DYRK1B: variants seen among roughly 807,000 people sequenced by gnomAD.
DYRK1B encodes the protein dual specificity tyrosine phosphorylation regulated kinase 1B, also known as dual specificity tyrosine-phosphorylation-regulated kinase 1B.
Under a neutral mutation model 57.1 loss-of-function variants are expected in DYRK1B, and 20 were observed. That is an observed-to-expected ratio of 0.35 (90% CI 0.25 to 0.51). The LOEUF is 0.51. DYRK1B is among the 20% of genes least tolerant of loss of function. The probability of loss-of-function intolerance (pLI) is 0.96; values close to 1 mark genes in which losing one functional copy is unlikely to be tolerated. For synonymous variants in DYRK1B, 409 were observed against 384.7 expected (o/e 1.06, Z -0.74); for missense variants, 732 against 886.3 (o/e 0.83, Z 2.21).
At chr19:39,829,784 C>T (rs1262662802) in intron 5 of DYRK1B, 96 bp downstream of exon 5, 4 of 1,406,404 alleles carry the variant, frequency 2.8e-6, no homozygotes, top group East Asian at 2.4e-5. Flanking sequence ...AGACATCAGC[C>T]TCCTCCTGAG....
rs902834396 is a variant in DYRK1B at position 39,833,335 on chromosome 19, G to C, written c.-102+688C>G. Reference sequence around the variant, plus strand: ...GTGGGGCCCCCAGTGGGGTGGGCGAGCGGCCAGCATGGCGGCGGTGGCGGC... The same window carrying C: ...GTGGGGCCCCCAGTGGGGTGGGCGACCGGCCAGCATGGCGGCGGTGGCGGC... On this transcript the variant is annotated intron_variant, in intron 1 of 10. Coordinates refer to ENST00000323039, the MANE Select transcript of DYRK1B (RefSeq NM_004714.3). 142 of 985,466 alleles carry C rather than the reference G, an allele frequency of 1.4e-4. No individual in the cohort carries two copies. The African/African-American group carries it at 2.3e-3, about 16-fold the overall frequency. The allele number at this position is 985,466 out of a possible 1,614,324, so 61.0% of individuals were successfully genotyped here. A position where few individuals can be genotyped will look rare whatever the true frequency, so the allele number is the denominator to read the frequency against.
At position 39,825,974 on chromosome 19, in the gene DYRK1B, G is replaced by T; in HGVS notation, c.1631C>A (p.Pro544His). 3 of 1,525,854 alleles carry T rather than the reference G, an allele frequency of 2.0e-6. No homozygotes were observed. Among genetic ancestry groups the T allele is most frequent in the Non-Finnish European group, 8.8e-7 (1 of 1,139,308 alleles). 94.5% of individuals were successfully genotyped at this position (1,525,854 alleles called of 1,614,324 possible). A position where few individuals can be genotyped will look rare whatever the true frequency, so the allele number is the denominator to read the frequency against. The change falls in exon 11 of 11, where the codon CCC becomes CAC. Residue 544 changes from proline to histidine, a missense_variant. Pro to His is a moderately conservative substitution (Grantham distance 77). This residue lies in a region of DYRK1B where 222 missense variants were observed against 205.0 expected (regional missense o/e 1.08). Transcript: ENST00000323039. Reference protein sequence around the residue: ...SLPGTGAQLPPQPRYLGRPPS... With the variant: ...SLPGTGAQLPHQPRYLGRPPS... ...GGGACGACCAAGGTATCGGGGCTGG[G>T]GGGGTAACTGGGCCCCGGTCCCAGG...
In DYRK1B at chr19:39,828,578, G is replaced by A. The variant is rs538827167; in HGVS notation, c.526C>T (p.Leu176=). Residue 176 remains leucine, a synonymous_variant, in exon 6 of 11, where the codon CTG becomes TTG. Coordinates refer to ENST00000323039, the MANE Select transcript of DYRK1B (RefSeq NM_004714.3). This position sits in a 1 kb window ranked among gnomAD's most constrained non-coding sequence, Gnocchi z 4.3. ...TTCCGGAACATGAAGTGCCGCTTCAGGTGTACTGCGGGGGAGGGGAGGAAA... is the reference window on the plus strand; with the variant it reads ...TTCCGGAACATGAAGTGCCGCTTCAAGTGTACTGCGGGGGAGGGGAGGAAA... ...DTEMKYYIVH[L]KRHFMFRNHL... 6.2e-7 allele frequency: 1 copy of A among 1,606,066 alleles called. No individual in the cohort carries two copies. Among genetic ancestry groups the A allele is most frequent in the Non-Finnish European group, 8.5e-7 (1 of 1,173,858 alleles).
At chr19:39,827,242 G>A (rs778739008) in intron 8 of DYRK1B, 43 bp downstream of exon 8, 1 of 1,570,386 alleles carries the variant, frequency 6.4e-7, no homozygotes, top group Non-Finnish European at 8.7e-7. Flanking sequence ...GTGTGAGTGA[G>A]GGGCCACGGG....
intron 1 of DYRK1B, chr19:39,832,927 G>GC (rs1300010695): frequency 3.0e-6 from 3 of 984,126 alleles, no homozygotes; most frequent in African/African-American, 3.5e-5. Context: ...CTGCTTCCTT[G>GC]CCCCCCTACA....
Position 39,825,680 on chromosome 19 carries a change from A to G in DYRK1B, c.*35T>C, listed in dbSNP as rs971011418. On this transcript the variant is annotated 3_prime_UTR_variant, in exon 11 of 11. Transcript: ENST00000323039. ...CCAGGGCCCCCAGATGGGGGAGGGTATGGCTTCAGGAGGGGCCCCAGGGAG... is the reference window on the plus strand; with the variant it reads ...CCAGGGCCCCCAGATGGGGGAGGGTGTGGCTTCAGGAGGGGCCCCAGGGAG... The G allele has an allele frequency of 8.5e-6, 13 of 1,527,522 alleles. No homozygotes were observed. Among genetic ancestry groups the G allele is most frequent in the African/African-American group, 1.4e-5 (1 of 72,028 alleles). The allele number at this position is 1,527,522 out of a possible 1,614,324, so 94.6% of individuals were successfully genotyped here.
chr19:39,829,253 A>C (rs1318754539), intron 5 of DYRK1B, among the ~76,000 whole-genome samples: 33 of 143,326 alleles, frequency 2.3e-4, no homozygotes, highest in Non-Finnish European at 4.7e-4. Context: ...TTTGAGATGG[A>C]GTCTCGCTCT....
chr19:39,827,083 G>T, intron 8 of DYRK1B, 96 bp from the exon 9 acceptor site: 1 of 1,190,266 alleles, frequency 8.4e-7, no homozygotes, highest in Non-Finnish European at 1.1e-6. Flanking sequence ...GCACAAGAGA[G>T]AAAGTGGAAA....
At position 39,831,805 on chromosome 19, in the gene DYRK1B, C is replaced by T. The variant is rs1444475997; in HGVS notation, c.63G>A (p.Gln21=). The T allele has an allele frequency of 2.2e-5, 34 of 1,548,208 alleles. No individual in the cohort carries two copies. Among genetic ancestry groups the T allele is most frequent in the Non-Finnish European group, 2.7e-5 (31 of 1,146,338 alleles). ...GGTGAGGAGCCAGCTGAACGCGTACCTGCGTGTGCTCCTGGGGCCCTGGGA... is the reference window on the plus strand; with the variant it reads ...GGTGAGGAGCCAGCTGAACGCGTACTTGCGTGTGCTCCTGGGGCCCTGGGA... ...SGFPGPQEHT[Q]VLPDVRLLPR... The change falls in exon 2 of 11, where the codon CAG becomes CAA. Residue 21 remains glutamine, a splice_region_variant and synonymous_variant. Transcript: ENST00000323039.
At chr19:39,827,474 C>A (rs756243203) in intron 7 of DYRK1B, 36 bp downstream of exon 7, 2 of 1,610,296 alleles carry the variant, frequency 1.2e-6, no homozygotes, top group East Asian at 2.2e-5. Flanking sequence ...GGCTCCACCC[C>A]CTCCACCTCC....
chr19:39,831,530 G>A (rs1373531553), intron 2 of DYRK1B, among the ~76,000 whole-genome samples: 1 of 152,142 alleles, frequency 6.6e-6, no homozygotes, highest in African/African-American at 2.4e-5. Context: ...CTGTGAAGTA[G>A]GTATCATTAT....
chr19:39,832,414 C>G (rs1335713005), intron 1 of DYRK1B, among the ~76,000 whole-genome samples: 3 of 152,118 alleles, frequency 2.0e-5, no homozygotes, highest in African/African-American at 7.3e-5. Flanking sequence ...CTGTAGTCTT[C>G]CCTGAACATC....
Position 39,825,537 on chromosome 19 carries a change from G to A in DYRK1B, c.*178C>T. 1 of 625,458 alleles carries A rather than the reference G, an allele frequency of 1.6e-6. No homozygotes were observed. The highest frequency in any genetic ancestry group is 2.8e-5 in the East Asian group (1 of 35,680). 38.7% of individuals were successfully genotyped at this position (625,458 alleles called of 1,614,324 possible). A position where few individuals can be genotyped will look rare whatever the true frequency, so the allele number is the denominator to read the frequency against. On this transcript the variant is annotated 3_prime_UTR_variant, in exon 11 of 11. Coordinates refer to ENST00000323039, the MANE Select transcript of DYRK1B (RefSeq NM_004714.3). The stretch of plus-strand genomic sequence containing the variant: ...CCAAGGGTCCAGTCCTTAGTGGGGA[G>A]GGAGCGGCCAAAACCCTCTCCTTGA...
intron 1 of DYRK1B, chr19:39,832,871 G>T: frequency 1.0e-6 from 1 of 968,280 alleles, no homozygotes; most frequent in Non-Finnish European, 1.2e-6. Flanking sequence ...GAAGGAGGAG[G>T]TGTCTCTTCC....
Position 39,828,242 on chromosome 19 carries a change from G to T in DYRK1B, c.807+55C>A. On this transcript the variant is annotated intron_variant, in intron 6 of 10. Transcript: ENST00000323039. The surrounding 1 kb of genome is among the most constrained non-coding windows in gnomAD (Gnocchi z 4.3). ...AAGCCCCGCCCCTAAGCCTCCCGTT[G>T]GCTCTGCCCCACCCAAACTACTAGC... 3 of 1,573,038 alleles carry T rather than the reference G, an allele frequency of 1.9e-6. No homozygotes were observed. Among genetic ancestry groups the T allele is most frequent in the Non-Finnish European group, 2.6e-6 (3 of 1,153,488 alleles).
At chr19:39,831,758 A>G (rs1263635062) in intron 2 of DYRK1B, 47 bp downstream of exon 2, 5 of 1,548,656 alleles carry the variant, frequency 3.2e-6, no homozygotes, top group Non-Finnish European at 4.4e-6. Flanking sequence ...TTCTATCCCC[A>G]GCCTCCCCCT....
At chr19:39,829,399 TCA>T (rs1250619905) in intron 5 of DYRK1B, among the ~76,000 whole-genome samples, 2 of 152,186 alleles carry the variant, frequency 1.3e-5, no homozygotes, top group African/African-American at 4.8e-5. Context: ...GCTAATTTTT[TCA>T]CATTTTTAGT....
In DYRK1B at chr19:39,826,706, G is replaced by A. The variant is rs759742868; in HGVS notation, c.1377C>T (p.Pro459=). 5.0e-6 allele frequency: 8 copies of A among 1,606,514 alleles called. No homozygotes were observed. The highest frequency in any genetic ancestry group is 1.1e-5 in the South Asian group (1 of 89,756). ...STSPAPLDTC[P]SSSTASSISS... is the part of the protein sequence containing the mutation. ...AGATGGAGCTGGCGGTGCTGGAAGA[G>A]GGGCAGGTGTCGAGGGGCGCGGGCG... Residue 459 remains proline, a synonymous_variant, in exon 9 of 11, where the codon CCC becomes CCT. Coordinates refer to ENST00000323039, the MANE Select transcript of DYRK1B (RefSeq NM_004714.3). The surrounding 1 kb of genome is among the most constrained non-coding windows in gnomAD (Gnocchi z 6.3).
chr19:39,829,029 G>A (rs1968680952), intron 5 of DYRK1B, among the ~76,000 whole-genome samples: 1 of 152,198 alleles, frequency 6.6e-6, no homozygotes, highest in Non-Finnish European at 1.5e-5. Context: ...GTTTAAGGGA[G>A]GAGAAAGACT....
Sources: allele counts gnomAD v4.1 joint callset (sites outside exome capture counted in the v4.1 genomes callset), GRCh38; gene constraint gnomAD v4.1.1; regional missense constraint gnomAD v4.1.1; non-coding constraint Gnocchi (gnomAD v3.1); transcripts MANE v1.5; gene names NCBI Gene and HGNC (gene_info 2026-07-23, HGNC 2026-07-21).